TUBGCP5: variants seen among roughly 807,000 people sequenced by gnomAD.
TUBGCP5 encodes the protein gamma-tubulin complex component 5.
Under a neutral mutation model 134.7 loss-of-function variants are expected in TUBGCP5, and 98 were observed. The observed-to-expected ratio is 0.73, with a 90% CI of 0.62 to 0.86. The LOEUF is 0.86. Among genes scored for constraint, TUBGCP5 ranks in the 40% least tolerant of loss-of-function variants. The pLI, the probability that TUBGCP5 is intolerant of heterozygous loss-of-function variation, is 0.00. For synonymous variants in TUBGCP5, 456 were observed against 431.4 expected (o/e 1.06, Z -0.71); for missense variants, 1,150 against 1,244.8 (o/e 0.92, Z 1.15).
chr15:23,006,823 T>C (rs936103684), intron 16 of TUBGCP5, among the ~76,000 whole-genome samples: 8 of 152,098 alleles, frequency 5.3e-5, no homozygotes, highest in Admixed American at 3.9e-4. Flanking sequence ...CACAAGTTCC[T>C]GAGACAGGTT....
At chr15:23,002,670 GA>G (rs1455710726) in intron 21 of TUBGCP5, among the ~76,000 whole-genome samples, 1 of 152,174 alleles carries the variant, frequency 6.6e-6, no homozygotes, top group Non-Finnish European at 1.5e-5. Flanking sequence ...GGTGGGCACA[GA>G]CATGACAGAG....
chr15:23,035,174 A>G (rs1397347045), intron 3 of TUBGCP5, among the ~76,000 whole-genome samples: 1 of 151,592 alleles, frequency 6.6e-6, no homozygotes, highest in Non-Finnish European at 1.5e-5. Context: ...CTAAAAATAC[A>G]AAAAATTAGC....
At position 23,011,203 on chromosome 15, in the gene TUBGCP5, G is replaced by T. The variant is rs751027394; in HGVS notation, c.1885C>A (p.Gln629Lys). ...TCAAGATGGCTTTCAGCAATGGACTGCATCTTCATCAGGTTCTCCTTGGTT... is the reference window on the plus strand; with the variant it reads ...TCAAGATGGCTTTCAGCAATGGACTTCATCTTCATCAGGTTCTCCTTGGTT... The part of the protein sequence containing the change: ...QATKENLMKM[Q>K]SIAESHLELD... The change falls in exon 14 of 23, where the codon CAG (glutamine) becomes AAG (lysine). Residue 629 changes from glutamine to lysine, a missense_variant. Coordinates refer to ENST00000615383, the MANE Select transcript of TUBGCP5 (RefSeq NM_052903.6). 13 of 1,613,832 alleles carry T rather than the reference G, an allele frequency of 8.1e-6. No individual in the cohort carries two copies. The highest frequency in any genetic ancestry group is 1.6e-4 in the Middle Eastern group (1 of 6,084).
intron 1 of TUBGCP5, among the ~76,000 whole-genome samples, chr15:23,038,572 C>T (rs967949351): frequency 2.0e-5 from 3 of 152,156 alleles, no homozygotes; most frequent in Admixed American, 2.0e-4. Context: ...CAACTAGACA[C>T]TTTATGGCTA....
At chr15:23,024,607 G>A in intron 9 of TUBGCP5, 130 bp downstream of exon 9, 1 of 556,038 alleles carries the variant, frequency 1.8e-6, no homozygotes, top group Non-Finnish European at 3.1e-6. Context: ...TTTTAAGTTA[G>A]CTTTTTTTTG....
chr15:23,016,290 C>T (rs1442333693), intron 13 of TUBGCP5, among the ~76,000 whole-genome samples: 1 of 152,100 alleles, frequency 6.6e-6, no homozygotes, highest in South Asian at 2.1e-4. Context: ...GTCAGGAGTT[C>T]GAGATCAGCC....
Position 23,037,470 on chromosome 15 carries a change from A to G in TUBGCP5, c.147-318T>C, listed in dbSNP as rs141947853. On this transcript the variant is annotated intron_variant, in intron 1 of 22. Coordinates refer to ENST00000615383, the MANE Select transcript of TUBGCP5 (RefSeq NM_052903.6). ...TACATCAGGTGGTCCCAACCTTTTT[A>G]TGCCATAGTGAGGCCCGGTGAAGCC... 5.0e-3 allele frequency among the ~76,000 whole-genome samples: 760 copies of G among 152,244 alleles called. 3 individuals carry two copies. Among genetic ancestry groups the G allele is most frequent in the Admixed American group, 5.4e-3 (82 of 15,284 alleles).
chr15:23,001,446 C>A (rs1192362204), intron 21 of TUBGCP5, among the ~76,000 whole-genome samples: 1 of 151,072 alleles, frequency 6.6e-6, no homozygotes, highest in African/African-American at 2.4e-5. Flanking sequence ...CTGGGTTCAG[C>A]AATTCTCCTG....
chr15:23,024,366 GAAC>G, intron 9 of TUBGCP5, 173 bp from the exon 10 acceptor site: 1 of 666,146 alleles, frequency 1.5e-6, no homozygotes, highest in Non-Finnish European at 2.3e-6. Context: ...AGGAAAAAGT[GAAC>G]AATAATTTCA....
chr15:23,003,542 A>C (rs564563834), intron 20 of TUBGCP5, among the ~76,000 whole-genome samples: 2 of 152,032 alleles, frequency 1.3e-5, no homozygotes, highest in Non-Finnish European at 2.9e-5. Context: ...AAATGAATCC[A>C]AGAGTAACGC....
chr15:23,021,180 G>T (rs528017298), intron 11 of TUBGCP5, among the ~76,000 whole-genome samples: 1 of 151,918 alleles, frequency 6.6e-6, no homozygotes, highest in Non-Finnish European at 1.5e-5. Flanking sequence ...TATGTTGCCC[G>T]GGCTGGTCTC....
Position 23,036,917 on chromosome 15 carries a change from G to C in TUBGCP5, c.289C>G (p.Pro97Ala), listed in dbSNP as rs766791904. 2.5e-6 allele frequency: 4 copies of C among 1,609,442 alleles called. No homozygotes were observed. Among genetic ancestry groups the C allele is most frequent in the Non-Finnish European group, 3.4e-6 (4 of 1,176,366 alleles). Reference protein sequence around the residue: ...LTEEFLNAPLPSIKEIKTDAH... With the variant: ...LTEEFLNAPLASIKEIKTDAH... ...CATACCTTTATTTCCTTTATACTGG[G>C]AAGTGGTGCATTTAGAAATTCCTCC... Residue 97 changes from proline (P) to alanine (A), a missense_variant, in exon 3 of 23, where the codon CCC (proline) becomes GCC (alanine). By Grantham distance (27) the Pro-to-Ala change is conservative. Around this residue, in one of 2 missense-constraint regions of TUBGCP5, gnomAD observed 453 missense variants for 394.7 expected, o/e 1.15. Coordinates refer to ENST00000615383, the MANE Select transcript of TUBGCP5 (RefSeq NM_052903.6).
downstream of TUBGCP5, among the ~76,000 whole-genome samples, chr15:22,995,663 T>C (rs931276348): frequency 1.3e-5 from 2 of 152,056 alleles, no homozygotes; most frequent in African/African-American, 2.4e-5. Flanking sequence ...AAATTCCCAG[T>C]TGCTCCACAC....
chr15:23,003,952 C>T, intron 20 of TUBGCP5, 150 bp downstream of exon 20: 1 of 1,042,462 alleles, frequency 9.6e-7, no homozygotes, highest in South Asian at 1.9e-5. Flanking sequence ...TGTGGCCGGC[C>T]TGGGGCATTT....
At chr15:23,006,438 A>C in intron 16 of TUBGCP5, 86 bp from the exon 17 acceptor site, 1 of 898,108 alleles carries the variant, frequency 1.1e-6, no homozygotes. Context: ...TTTCATTTAC[A>C]TAATATTCCC....
In TUBGCP5 at chr15:23,006,177, GAAACAA is replaced by G. The variant is rs1470686938; in HGVS notation, c.2413-11_2413-6del. On this transcript the variant is annotated splice_region_variant and splice_polypyrimidine_tract_variant and intron_variant, in intron 17 of 22. Coordinates refer to ENST00000615383, the MANE Select transcript of TUBGCP5 (RefSeq NM_052903.6). ...AATGTCCACGGGCCATGGGACCTAT[GAAACAA>G]AAACAAAATTAGAAAGTAACCAATT... 1 of 1,607,426 alleles carries G rather than the reference GAAACAA, an allele frequency of 6.2e-7. No homozygotes were observed. The highest frequency in any genetic ancestry group is 8.5e-7 in the Non-Finnish European group (1 of 1,178,690).
intron 10 of TUBGCP5, chr15:23,023,621 T>C: frequency 3.8e-6 from 1 of 261,464 alleles, no homozygotes; most frequent in East Asian, 1.0e-4. Flanking sequence ...TATATGTATA[T>C]GCACTGCTCA....
At chr15:22,989,019 C>T (rs1320183330) in intron 23 of TUBGCP5, among the ~76,000 whole-genome samples, 2 of 152,066 alleles carry the variant, frequency 1.3e-5, no homozygotes, top group Non-Finnish European at 2.9e-5. Flanking sequence ...CTGGCTCTGC[C>T]CTCAGGCTGC....
At chr15:23,025,873 T>C (rs1026378087) in intron 8 of TUBGCP5, among the ~76,000 whole-genome samples, 3 of 151,518 alleles carry the variant, frequency 2.0e-5, no homozygotes, top group African/African-American at 4.9e-5. Context: ...TGCTTTGAAC[T>C]CAGGTGTTAA....
Sources: allele counts gnomAD v4.1 joint callset (sites outside exome capture counted in the v4.1 genomes callset), GRCh38; gene constraint gnomAD v4.1.1; regional missense constraint gnomAD v4.1.1; transcripts MANE v1.5; gene names NCBI Gene and HGNC (gene_info 2026-07-23, HGNC 2026-07-21).